The following MTRF1 variants were observed in gnomAD, a reference collection of about 807,000 sequenced individuals.
MTRF1 encodes the protein mitochondrial translation release factor 1.
MTRF1 carries 51 observed loss-of-function variants against 62.9 expected under a neutral mutation model. That is an observed-to-expected ratio of 0.81 (90% CI 0.65 to 1.02). The LOEUF (loss-of-function observed/expected upper bound fraction) is 1.02. Ranked by LOEUF, MTRF1 falls within the 50% of genes least tolerant of loss-of-function variation. MTRF1 has a pLI of 0.00. For synonymous variants in MTRF1, 158 were observed against 181.9 expected (o/e 0.87, Z 1.06); for missense variants, 446 against 530.0 (o/e 0.84, Z 1.56).
At chr13:41,218,120 T>TA (rs2032286943) in intron 9 of MTRF1, among the ~76,000 whole-genome samples, 1 of 152,042 alleles carries the variant, frequency 6.6e-6, no homozygotes, top group Non-Finnish European at 1.5e-5. Flanking sequence ...GCTGATTGAC[T>TA]AATCTTTTTT....
At position 41,227,266 on chromosome 13, in the gene MTRF1, C is replaced by T. The variant is rs1388696704; in HGVS notation, c.989-698G>A. Reference sequence around the variant, plus strand: ...TATGCCTGGTGACAGAGCGAGACTCCGTTAAAAACAAAAACAAACACAACA... The same window carrying T: ...TATGCCTGGTGACAGAGCGAGACTCTGTTAAAAACAAAAACAAACACAACA... On this transcript the variant is annotated intron_variant, in intron 7 of 9. Transcript: ENST00000379480. Among the ~76,000 whole-genome samples, 4 of 149,006 alleles carry T rather than the reference C, an allele frequency of 2.7e-5. 1 individual carries two copies. Among genetic ancestry groups the T allele is most frequent in the South Asian group, 4.2e-4 (2 of 4,734 alleles).
intron 9 of MTRF1, among the ~76,000 whole-genome samples, chr13:41,220,020 A>AAG (rs1719864284): frequency 7.2e-6 from 1 of 139,106 alleles, no homozygotes; most frequent in Non-Finnish European, 1.6e-5. Context: ...AAAAAAAAAA[A>AAG]GAATGAGTAT....
At chr13:41,286,945 G>A in the MTRF1 span, among the ~76,000 whole-genome samples, 13 of 152,072 alleles carry the variant, frequency 8.5e-5, no homozygotes, top group African/African-American at 2.7e-4. Flanking sequence ...TTTACCTATC[G>A]GAAAATTACT....
chr13:41,292,333 C>T, the MTRF1 span, among the ~76,000 whole-genome samples: 1 of 151,988 alleles, frequency 6.6e-6, no homozygotes, highest in Non-Finnish European at 1.5e-5. Context: ...GCTTGTAATC[C>T]CAGCACTTTG....
chr13:41,249,943 T>C (rs1485944148), intron 5 of MTRF1, among the ~76,000 whole-genome samples: 1 of 152,058 alleles, frequency 6.6e-6, no homozygotes, highest in Non-Finnish European at 1.5e-5. Context: ...GATATATGAG[T>C]AAAATATTTG....
chr13:41,299,707 G>C, the MTRF1 span, among the ~76,000 whole-genome samples: 28 of 151,690 alleles, frequency 1.8e-4, no homozygotes, highest in African/African-American at 5.6e-4. Flanking sequence ...ATTGAACTGA[G>C]CTTCACAATC....
the MTRF1 span, chr13:41,311,206 A>G: frequency 2.1e-6 from 1 of 476,242 alleles, no homozygotes; most frequent in Non-Finnish European, 3.7e-6. Flanking sequence ...CCCCTCGCCA[A>G]AGGGCGCTCC....
chr13:41,296,831 A>C, the MTRF1 span, among the ~76,000 whole-genome samples: 36 of 152,146 alleles, frequency 2.4e-4, no homozygotes, highest in African/African-American at 8.0e-4. Context: ...TGCATCTACT[A>C]GATATTTTAA....
chr13:41,281,428 A>T, the MTRF1 span, among the ~76,000 whole-genome samples: 1 of 151,998 alleles, frequency 6.6e-6, no homozygotes, highest in Non-Finnish European at 1.5e-5. Flanking sequence ...CCACTGGGTA[A>T]GCAAAGCCAG....
the MTRF1 span, among the ~76,000 whole-genome samples, chr13:41,309,647 GA>G: frequency 6.6e-6 from 1 of 150,414 alleles, no homozygotes; most frequent in Admixed American, 6.6e-5. Flanking sequence ...GAGATTGAAA[GA>G]AAAAAAAAGA....
chr13:41,295,033 CT>C, the MTRF1 span, among the ~76,000 whole-genome samples: 1 of 152,080 alleles, frequency 6.6e-6, no homozygotes, highest in African/African-American at 2.4e-5. Flanking sequence ...GGAAGTTCAA[CT>C]TTTACTGTAC....
chr13:41,302,883 A>G, the MTRF1 span, among the ~76,000 whole-genome samples: 1 of 152,158 alleles, frequency 6.6e-6, no homozygotes, highest in African/African-American at 2.4e-5. Flanking sequence ...GTCAAAGTTG[A>G]TTATAAAATT....
the MTRF1 span, among the ~76,000 whole-genome samples, chr13:41,280,656 T>C: frequency 6.6e-6 from 1 of 152,188 alleles, no homozygotes; most frequent in Non-Finnish European, 1.5e-5. Context: ...AAAACCAAGC[T>C]GTACCCTGAC....
chr13:41,277,970 A>G, the MTRF1 span, among the ~76,000 whole-genome samples: 1 of 152,222 alleles, frequency 6.6e-6, no homozygotes, highest in African/African-American at 2.4e-5. Flanking sequence ...ACTACAGTCC[A>G]CTCACAAATC....
upstream of MTRF1, among the ~76,000 whole-genome samples, chr13:41,267,607 AC>A: frequency 1.3e-5 from 2 of 152,296 alleles, no homozygotes; most frequent in South Asian, 4.1e-4. Context: ...TGTGGCTCAC[AC>A]CTGTAATCCC....
At chr13:41,220,501 G>T (rs971813168) in intron 9 of MTRF1, 5 of 971,726 alleles carry the variant, frequency 5.1e-6, no homozygotes, top group Non-Finnish European at 7.2e-6. Context: ...GGTAGTCTGT[G>T]CTTATTAGCT....
the MTRF1 span, among the ~76,000 whole-genome samples, chr13:41,308,441 A>G: frequency 6.6e-6 from 1 of 152,224 alleles, no homozygotes; most frequent in Non-Finnish European, 1.5e-5. Context: ...TAGATAAATG[A>G]CAATGTAGAT....
chr13:41,288,075 A>C, the MTRF1 span: 2 of 441,168 alleles, frequency 4.5e-6, no homozygotes, highest in African/African-American at 4.1e-5. Context: ...CACAAGGGAG[A>C]AGCATATTAA....
At chr13:41,242,365 T>A (rs1288771145) in intron 5 of MTRF1, among the ~76,000 whole-genome samples, 1 of 151,810 alleles carries the variant, frequency 6.6e-6, no homozygotes, top group Non-Finnish European at 1.5e-5. Flanking sequence ...TTGTATGGCA[T>A]AACAAGATAT....
Sources: gnomAD v4.1 joint callset for allele counts (sites outside exome capture counted in the v4.1 genomes callset) on GRCh38, gnomAD v4.1.1 for gene constraint, MANE v1.5 for transcripts, NCBI Gene and HGNC (gene_info 2026-07-23, HGNC 2026-07-21) for gene names.